CNTN3: variants seen among roughly 807,000 people sequenced by gnomAD.
CNTN3 encodes the protein contactin-3.
CNTN3 carries 60 observed loss-of-function variants against 119.1 expected under a neutral mutation model. That is an observed-to-expected ratio of 0.50 (90% confidence interval 0.41 to 0.62). The LOEUF is 0.62. CNTN3 is among the 20% of genes least tolerant of loss of function. The pLI is 0.00. For missense variants in CNTN3, 1,101 were observed against 1,242.4 expected, an observed-to-expected ratio of 0.89 and a Z score of 1.71; for synonymous variants, 450 against 438.7, an observed-to-expected ratio of 1.03 and a Z score of -0.32.
intron 4 of CNTN3, among the ~76,000 whole-genome samples, chr3:74,452,442 A>T (rs1416168840): frequency 6.8e-6 from 1 of 147,286 alleles, no homozygotes; most frequent in African/African-American, 2.6e-5. Context: ...TTCTAGATAT[A>T]CAATCATGTC....
chr3:74,614,426 G>T lies in CNTN3; in HGVS notation c.-116C>A, dbSNP rs951684556. Among the ~76,000 whole-genome samples the T allele has an allele frequency of 7.1e-6, 1 of 141,840 alleles. No individual in the cohort carries two copies. Among genetic ancestry groups the T allele is most frequent in the African/African-American group, 2.7e-5 (1 of 37,376 alleles). 93.1% of individuals were successfully genotyped at this position (141,840 alleles called of 152,430 possible). ...CAGCTCGCCAGACGCCCGCCCCGAC[G>T]GCCCACTCGCCGCCGCCGCCGCCGC... On this transcript the variant is annotated 5_prime_UTR_variant, in exon 1 of 23. Coordinates refer to ENST00000263665, the MANE Select transcript of CNTN3 (RefSeq NM_020872.3).
rs555669212 is a variant in CNTN3 at position 74,453,374 on chromosome 3, AT to A, written c.359-28435del. Among the ~76,000 whole-genome samples the A allele has an allele frequency of 7.4e-3, 1,125 of 152,038 alleles. 11 individuals are homozygous for A. The highest frequency in any genetic ancestry group is 0.026 in the African/African-American group (1,071 of 41,474). ...GATCGGTGGTGATATCCCCTTTATC[AT>A]TTTTTATTGCGTCTATTTGATTCTT... On this transcript the variant is annotated intron_variant, in intron 4 of 22. Transcript: ENST00000263665.
intron 5 of CNTN3, among the ~76,000 whole-genome samples, chr3:74,401,173 CA>C (rs1050545837): frequency 6.7e-6 from 1 of 149,604 alleles, no homozygotes; most frequent in Non-Finnish European, 1.5e-5. Flanking sequence ...AAAATGTCCC[CA>C]AAAAAGGTTT....
intron 1 of CNTN3, among the ~76,000 whole-genome samples, chr3:74,583,153 T>C (rs928099344): frequency 6.6e-6 from 1 of 152,050 alleles, no homozygotes; most frequent in Non-Finnish European, 1.5e-5. Context: ...ACTAGAGTGA[T>C]TCAGGGCAGG....
At chr3:74,431,454 A>G (rs1056664327) in intron 4 of CNTN3, among the ~76,000 whole-genome samples, 16 of 152,178 alleles carry the variant, frequency 1.1e-4, no homozygotes, top group African/African-American at 3.9e-4. Flanking sequence ...AATGACTACC[A>G]TTTCCCAACA....
Position 74,302,715 on chromosome 3 carries a change from T to A in CNTN3, c.1761A>T (p.Ser587=). The part of the protein sequence containing the change: ...CMVQTGVDSV[S]SAADLIVRGS... ...CTCTTACTATGAGGTCAGCAGCAGA[T>A]GAAACACTGTCCACCCCCGTTTGCA... The change falls in exon 14 of 23, where the codon TCA becomes TCT. Residue 587 remains serine (S), a synonymous_variant. Transcript: ENST00000263665. 6.2e-7 allele frequency: 1 copy of A among 1,612,546 alleles called. No individual in the cohort carries two copies. The highest frequency in any genetic ancestry group is 8.5e-7 in the Non-Finnish European group (1 of 1,178,800).
chr3:74,445,701 C>G (rs1702037930), intron 4 of CNTN3, among the ~76,000 whole-genome samples: 1 of 152,022 alleles, frequency 6.6e-6, no homozygotes, highest in Non-Finnish European at 1.5e-5. Context: ...TCAAATGGAA[C>G]AAAAATGAAG....
chr3:74,489,504 A>G (rs1350368938), intron 3 of CNTN3, among the ~76,000 whole-genome samples: 1 of 150,238 alleles, frequency 6.7e-6, no homozygotes, highest in Non-Finnish European at 1.5e-5. Flanking sequence ...GTAAAAAAAC[A>G]TTTATGAAGT....
chr3:74,520,335 T>C (rs1412751590), intron 2 of CNTN3, among the ~76,000 whole-genome samples: 1 of 151,538 alleles, frequency 6.6e-6, no homozygotes, highest in Non-Finnish European at 1.5e-5. Context: ...TACAGATGTA[T>C]TCATTCATTG....
intron 1 of CNTN3, among the ~76,000 whole-genome samples, chr3:74,609,182 T>A (rs905102321): frequency 2.0e-5 from 3 of 152,120 alleles, no homozygotes; most frequent in Admixed American, 1.3e-4. Flanking sequence ...GTGTTAAGTA[T>A]CAGGGGAGAA....
At chr3:74,362,931 T>C (rs1704109335) in intron 10 of CNTN3, among the ~76,000 whole-genome samples, 1 of 152,170 alleles carries the variant, frequency 6.6e-6, no homozygotes. Context: ...GCCTTAAAAA[T>C]TAAAAATCAT....
At chr3:74,329,019 G>A (rs1389492793) in intron 13 of CNTN3, among the ~76,000 whole-genome samples, 8 of 152,304 alleles carry the variant, frequency 5.3e-5, no homozygotes, top group African/African-American at 1.9e-4. Flanking sequence ...TGGGGAATGA[G>A]TGCTTTCCTT....
At chr3:74,451,963 T>C (rs1241057330) in intron 4 of CNTN3, among the ~76,000 whole-genome samples, 2 of 126,290 alleles carry the variant, frequency 1.6e-5, no homozygotes, top group Non-Finnish European at 3.3e-5. Flanking sequence ...CCTCCAGCTT[T>C]GTTCTTTTGG....
At chr3:74,276,724 C>T (rs1313481533) in intron 20 of CNTN3, among the ~76,000 whole-genome samples, 1 of 151,938 alleles carries the variant, frequency 6.6e-6, no homozygotes, top group African/African-American at 2.4e-5. Flanking sequence ...CCTCAAGGAA[C>T]TAGAGAAACA....
At position 74,347,443 on chromosome 3, in the gene CNTN3, G is replaced by A. The variant is rs191987607; in HGVS notation, c.1365-10785C>T. ...CTTCTTGCAAAATGAGCCTCCCTCT[G>A]TTGCCCAAGCTGGTCTTGAACTCCT... On this transcript the variant is annotated intron_variant, in intron 11 of 22. Coordinates refer to ENST00000263665, the MANE Select transcript of CNTN3 (RefSeq NM_020872.3). Among the ~76,000 whole-genome samples, 5 of 152,224 alleles carry A rather than the reference G, an allele frequency of 3.3e-5. No individual in the cohort carries two copies. In the East Asian group the frequency reaches 9.7e-4, roughly 29 times the overall value.
chr3:74,410,158 T>C (rs1701414328), intron 5 of CNTN3, among the ~76,000 whole-genome samples: 1 of 152,198 alleles, frequency 6.6e-6, no homozygotes, highest in African/African-American at 2.4e-5. Flanking sequence ...TAATAGCCCA[T>C]AAATTCTTCT....
intron 1 of CNTN3, among the ~76,000 whole-genome samples, chr3:74,536,988 T>G (rs1427795225): frequency 1.5e-5 from 1 of 65,950 alleles, no homozygotes; most frequent in Non-Finnish European, 2.8e-5. Context: ...CTGTCATACT[T>G]TCATTTAAAA....
At chr3:74,416,821 C>A (rs949497746) in intron 5 of CNTN3, among the ~76,000 whole-genome samples, 2 of 151,844 alleles carry the variant, frequency 1.3e-5, no homozygotes, top group African/African-American at 4.8e-5. Flanking sequence ...AACCCCATCT[C>A]TTTTAAAAAC....
At chr3:74,580,390 G>A (rs1704485205) in intron 1 of CNTN3, among the ~76,000 whole-genome samples, 1 of 152,006 alleles carries the variant, frequency 6.6e-6, no homozygotes, top group Admixed American at 6.5e-5. Context: ...TATGAGACTG[G>A]CATTATCATG....
Sources: allele counts gnomAD v4.1 joint callset (sites outside exome capture counted in the v4.1 genomes callset), GRCh38; gene constraint gnomAD v4.1.1; transcripts MANE v1.5; gene names NCBI Gene and HGNC (gene_info 2026-07-23, HGNC 2026-07-21).